TRIT1: variants seen among roughly 807,000 people sequenced by gnomAD.
TRIT1 encodes the protein tRNA isopentenyltransferase 1, also known as tRNA dimethylallyltransferase.
TRIT1 carries 43 observed loss-of-function variants against 51.2 expected under a neutral mutation model. The observed-to-expected ratio is 0.84, with a 90% CI of 0.66 to 1.08. The LOEUF is 1.08. Among genes scored for constraint, TRIT1 ranks in the 50% least tolerant of loss-of-function variants. The probability of loss-of-function intolerance (pLI) is 0.00; values close to 1 mark genes in which losing one functional copy is unlikely to be tolerated. For missense variants in TRIT1, 528 were observed against 578.4 expected (o/e 0.91, Z 0.89); for synonymous variants, 184 against 203.9 (o/e 0.90, Z 0.83).
At chr1:39,844,770 C>A in intron 8 of TRIT1, 130 bp from the exon 9 acceptor site, 1 of 648,868 alleles carries the variant, frequency 1.5e-6, no homozygotes, top group Admixed American at 2.8e-5. Flanking sequence ...GCTGTTAATT[C>A]TAACTAAACA....
intron 1 of TRIT1, among the ~76,000 whole-genome samples, chr1:39,862,313 TAAA>T (rs35360578): frequency 4.7e-4 from 66 of 139,278 alleles, no homozygotes; most frequent in Middle Eastern, 3.8e-3. Context: ...TATCACAATT[TAAA>T]AAAAAAAAAA....
At chr1:39,867,084 T>C (rs1303581071) in intron 1 of TRIT1, among the ~76,000 whole-genome samples, 1 of 152,254 alleles carries the variant, frequency 6.6e-6, no homozygotes, top group Non-Finnish European at 1.5e-5. Context: ...ATGGCTTTTA[T>C]TCTTTCCTAC....
At chr1:39,861,239 C>CA (rs1282893054) in intron 1 of TRIT1, among the ~76,000 whole-genome samples, 1 of 152,150 alleles carries the variant, frequency 6.6e-6, no homozygotes, top group Non-Finnish European at 1.5e-5. Flanking sequence ...AACAATATGG[C>CA]AGTTTCGGGA....
intron 1 of TRIT1, among the ~76,000 whole-genome samples, chr1:39,864,328 G>A (rs748915022): frequency 5.3e-5 from 8 of 151,868 alleles, no homozygotes; most frequent in Non-Finnish European, 7.4e-5. Flanking sequence ...TCCATCCCCA[G>A]GCCAGGCGCG....
chr1:39,870,324 G>A (rs1473674903), intron 1 of TRIT1, among the ~76,000 whole-genome samples: 1 of 150,924 alleles, frequency 6.6e-6, no homozygotes, highest in Non-Finnish European at 1.5e-5. Context: ...TGCTCGTAAA[G>A]AGTCATCACC....
intron 4 of TRIT1, among the ~76,000 whole-genome samples, chr1:39,850,958 C>T (rs1642526336): frequency 1.3e-5 from 2 of 152,190 alleles, no homozygotes; most frequent in African/African-American, 2.4e-5. Context: ...CTTAAGCCAC[C>T]ATCCACTTCT....
chr1:39,865,887 T>C (rs1570083750), intron 1 of TRIT1, among the ~76,000 whole-genome samples: 1 of 86,850 alleles, frequency 1.2e-5, no homozygotes, highest in Non-Finnish European at 2.3e-5. Context: ...AAGAGAGTGA[T>C]AAAGGAAAGA....
At chr1:39,860,051 C>G (rs937497557) in intron 1 of TRIT1, among the ~76,000 whole-genome samples, 2 of 152,218 alleles carry the variant, frequency 1.3e-5, no homozygotes, top group Admixed American at 1.3e-4. Flanking sequence ...AGAAGGTAAC[C>G]CAGAGCTAGC....
At chr1:39,862,389 A>G (rs1296464593) in intron 1 of TRIT1, among the ~76,000 whole-genome samples, 1 of 152,134 alleles carries the variant, frequency 6.6e-6, no homozygotes, top group African/African-American at 2.4e-5. Flanking sequence ...CAATGAAATA[A>G]AATTTTCAAA....
At chr1:39,882,543 C>A (rs752763826) in intron 1 of TRIT1, among the ~76,000 whole-genome samples, 13 of 152,218 alleles carry the variant, frequency 8.5e-5, no homozygotes, top group Admixed American at 2.6e-4. Context: ...TGATGTACAC[C>A]CCTTCTGGGC....
chr1:39,865,984 A>G (rs1051756866), intron 1 of TRIT1, among the ~76,000 whole-genome samples: 1 of 151,292 alleles, frequency 6.6e-6, no homozygotes, highest in East Asian at 1.9e-4. Context: ...GAAAAGGAAA[A>G]GAAAGAAAGG....
At chr1:39,869,751 G>A (rs544405272) in intron 1 of TRIT1, among the ~76,000 whole-genome samples, 264 of 150,764 alleles carry the variant, frequency 1.8e-3, no homozygotes, top group African/African-American at 6.1e-3. Context: ...GTCTCTGCCC[G>A]ACCGCCACCC....
chr1:39,852,242 G>GA (rs1642623099), intron 4 of TRIT1, among the ~76,000 whole-genome samples: 2 of 152,072 alleles, frequency 1.3e-5, no homozygotes, highest in African/African-American at 4.8e-5. Context: ...AAAAAAACAT[G>GA]ACCTTGTGAG....
At chr1:39,848,912 GACAA>G (rs1642397424) in intron 5 of TRIT1, among the ~76,000 whole-genome samples, 1 of 151,654 alleles carries the variant, frequency 6.6e-6, no homozygotes, top group Non-Finnish European at 1.5e-5. Context: ...GTTCAGATGT[GACAA>G]ACAGCTTTAC....
At chr1:39,874,463 TAAAAG>T (rs1413655273) in intron 1 of TRIT1, among the ~76,000 whole-genome samples, 1 of 152,182 alleles carries the variant, frequency 6.6e-6, no homozygotes, top group African/African-American at 2.4e-5. Context: ...AACATAGTGT[TAAAAG>T]AAAATAGAAT....
At chr1:39,857,174 G>C in intron 2 of TRIT1, 103 bp downstream of exon 2, 1 of 1,378,342 alleles carries the variant, frequency 7.3e-7, no homozygotes, top group Non-Finnish European at 9.8e-7. Flanking sequence ...TTTAGGCCTT[G>C]GGTGCCCCTT....
intron 1 of TRIT1, among the ~76,000 whole-genome samples, chr1:39,859,183 G>C (rs548908708): frequency 7.1e-6 from 1 of 140,738 alleles, no homozygotes; most frequent in Admixed American, 7.5e-5. Flanking sequence ...TTGAACCCAG[G>C]AGGCAGAGGT....
In TRIT1 at chr1:39,847,594, A is replaced by C; in HGVS notation, c.882T>G (p.Thr294=). 1 of 1,614,230 alleles carries C rather than the reference A, an allele frequency of 6.2e-7. No homozygotes were observed. The highest frequency in any genetic ancestry group is 1.1e-5 in the South Asian group (1 of 91,088). Reference sequence around the variant, plus strand: ...TAGTCTCCAGTGTGCATTTTCCCTCAGTGATCAGGTACTCGTGAAATTCCT... The same window carrying C: ...TAGTCTCCAGTGTGCATTTTCCCTCCGTGATCAGGTACTCGTGAAATTCCT... The part of the protein sequence containing the change: ...GFKEFHEYLI[T]EGKCTLETSN... The change falls in exon 7 of 11, where the codon ACT becomes ACG. Residue 294 remains threonine (T), a synonymous_variant. Transcript: ENST00000316891.
At chr1:39,842,042 G>T in intron 10 of TRIT1, 129 bp from the exon 11 acceptor site, 3 of 1,058,232 alleles carry the variant, frequency 2.8e-6, no homozygotes, top group South Asian at 1.7e-5. Context: ...ATCAACACAT[G>T]TACTAGTATA....
Sources: gnomAD v4.1 joint callset for allele counts (sites outside exome capture counted in the v4.1 genomes callset) on GRCh38, gnomAD v4.1.1 for gene constraint, MANE v1.5 for transcripts, NCBI Gene and HGNC (gene_info 2026-07-23, HGNC 2026-07-21) for gene names.